The following MSRA variants were observed in gnomAD, a reference collection of about 807,000 sequenced individuals.
MSRA encodes the protein mitochondrial peptide methionine sulfoxide reductase.
In MSRA, 54 loss-of-function variants were observed where a neutral mutation model predicts 31.3. The ratio of observed to expected loss-of-function variants is 1.73; its 90% CI spans 1.39 to 2.17. The LOEUF is 2.17. MSRA is among the 30% of genes most tolerant of loss of function. MSRA has a pLI of 0.00. For synonymous variants in MSRA, 169 were observed against 116.5 expected, an observed-to-expected ratio of 1.45 and a Z score of -2.90; for missense variants, 507 against 300.9, an observed-to-expected ratio of 1.69 and a Z score of -5.07.
intron 3 of MSRA, among the ~76,000 whole-genome samples, chr8:10,255,066 A>G (rs754758774): frequency 1.1e-4 from 16 of 152,224 alleles, no homozygotes; most frequent in Non-Finnish European, 1.8e-4. Flanking sequence ...TGATTGGGAG[A>G]GGGGGCTTCC....
chr8:10,390,143 C>G (rs577798384), intron 5 of MSRA, among the ~76,000 whole-genome samples: 2 of 152,352 alleles, frequency 1.3e-5, no homozygotes, highest in South Asian at 4.1e-4. Context: ...TCCTGGTGAT[C>G]CAGGCTGTGC....
chr8:10,185,031 T>C (rs1362429622), intron 1 of MSRA, among the ~76,000 whole-genome samples: 2 of 152,232 alleles, frequency 1.3e-5, no homozygotes, highest in African/African-American at 4.8e-5. Context: ...TTAACTGTTC[T>C]TTCCTCATGC....
chr8:10,397,710 T>A (rs748425676), intron 5 of MSRA, among the ~76,000 whole-genome samples: 2 of 152,258 alleles, frequency 1.3e-5, no homozygotes, highest in African/African-American at 2.4e-5. Context: ...TCTCATGCTC[T>A]CAAATTCCAT....
At chr8:10,252,323 G>C (rs1011130809) in intron 3 of MSRA, among the ~76,000 whole-genome samples, 6 of 152,206 alleles carry the variant, frequency 3.9e-5, no homozygotes, top group Non-Finnish European at 7.3e-5. Context: ...CAAGGATTCA[G>C]AGTAGGGGTG....
chr8:10,124,958 G>A (rs923330481), intron 1 of MSRA, among the ~76,000 whole-genome samples: 8 of 152,206 alleles, frequency 5.3e-5, no homozygotes, highest in Admixed American at 1.3e-4. Context: ...CTCACTGTAT[G>A]ATTAACTAGA....
chr8:10,200,893 C>T (rs1808435943), intron 1 of MSRA, among the ~76,000 whole-genome samples: 1 of 152,080 alleles, frequency 6.6e-6, no homozygotes, highest in Non-Finnish European at 1.5e-5. Context: ...TTAGCATCTG[C>T]GGAGAGGACC....
chr8:10,112,589 C>T lies in MSRA; in HGVS notation c.142+57931C>T, dbSNP rs539803758. Among the ~76,000 whole-genome samples the T allele has an allele frequency of 3.3e-5, 5 of 152,320 alleles. No homozygotes were observed. The South Asian group carries it at 1.0e-3, about 32-fold the overall frequency. On this transcript the variant is annotated intron_variant, in intron 1 of 5. Coordinates refer to ENST00000317173, the MANE Select transcript of MSRA (RefSeq NM_012331.5). ...TCAGATGCTGTGATTACATGGAATA[C>T]TCATGAAAGGATATTTCTTGAGCAC...
At chr8:10,407,069 G>A (rs1807863432) in intron 5 of MSRA, among the ~76,000 whole-genome samples, 1 of 151,522 alleles carries the variant, frequency 6.6e-6, no homozygotes, top group Non-Finnish European at 1.5e-5. Context: ...GTGGAGGTGA[G>A]GTTCACTGTG....
chr8:10,201,657 G>A (rs117960560), intron 1 of MSRA, among the ~76,000 whole-genome samples: 3,372 of 152,322 alleles, frequency 0.022, 50 homozygotes, highest in Non-Finnish European at 0.035. Flanking sequence ...TGAAGTGCAT[G>A]AGACATTCAC....
intron 5 of MSRA, chr8:10,337,545 T>G (rs1803133064): frequency 1.7e-6 from 1 of 599,904 alleles, no homozygotes; most frequent in African/African-American, 1.9e-5. Context: ...AAAGCAGCAT[T>G]AAGTCTGATA....
At chr8:10,265,853 G>A (rs1798720949) in intron 3 of MSRA, among the ~76,000 whole-genome samples, 1 of 152,110 alleles carries the variant, frequency 6.6e-6, no homozygotes, top group African/African-American at 2.4e-5. Flanking sequence ...ATTTTTTTCT[G>A]GAATCACACA....
chr8:10,274,356 G>T (rs1799207394), intron 3 of MSRA, among the ~76,000 whole-genome samples: 1 of 152,198 alleles, frequency 6.6e-6, no homozygotes, highest in South Asian at 2.1e-4. Flanking sequence ...GAGGGACCAA[G>T]ACCAGGGACA....
intron 3 of MSRA, among the ~76,000 whole-genome samples, chr8:10,274,885 A>G (rs2975655): frequency 0.75 from 114,064 of 151,972 alleles, 42,885 homozygotes; most frequent in Admixed American, 0.82. Context: ...CCAACCAACC[A>G]TCTATCCGTC....
chr8:10,256,598 C>G (rs1798193797), intron 3 of MSRA, among the ~76,000 whole-genome samples: 1 of 152,124 alleles, frequency 6.6e-6, no homozygotes, highest in Non-Finnish European at 1.5e-5. Context: ...TTGAAACTTA[C>G]TTTTCTTTTC....
chr8:10,056,192 A>G (rs1189729944), intron 1 of MSRA, among the ~76,000 whole-genome samples: 1 of 106,792 alleles, frequency 9.4e-6, no homozygotes, highest in African/African-American at 3.8e-5. Flanking sequence ...ATGCCCTCCC[A>G]TACACCAAAA....
intron 4 of MSRA, among the ~76,000 whole-genome samples, chr8:10,307,518 A>G (rs974526968): frequency 1.3e-5 from 2 of 152,312 alleles, no homozygotes; most frequent in East Asian, 3.9e-4. Flanking sequence ...CTTTTAGTAC[A>G]TTTAAAAAAG....
intron 1 of MSRA, among the ~76,000 whole-genome samples, chr8:10,161,807 G>C (rs1340247853): frequency 6.6e-6 from 1 of 151,314 alleles, no homozygotes; most frequent in Non-Finnish European, 1.5e-5. Flanking sequence ...CTTTGGAGTG[G>C]GACCTTCGTG....
intron 5 of MSRA, among the ~76,000 whole-genome samples, chr8:10,412,932 T>C (rs1808241479): frequency 1.3e-5 from 2 of 152,248 alleles, no homozygotes; most frequent in African/African-American, 2.4e-5. Context: ...TTTCCCATCA[T>C]TTAATATACT....
chr8:10,090,617 A>G (rs1445754537), intron 1 of MSRA, among the ~76,000 whole-genome samples: 2 of 152,236 alleles, frequency 1.3e-5, no homozygotes, highest in Admixed American at 6.5e-5. Flanking sequence ...TTGTGCAGAC[A>G]TCACCATTAA....
Sources: gnomAD v4.1 joint callset for allele counts (sites outside exome capture counted in the v4.1 genomes callset) on GRCh38, gnomAD v4.1.1 for gene constraint, MANE v1.5 for transcripts, NCBI Gene and HGNC (gene_info 2026-07-23, HGNC 2026-07-21) for gene names.